Variants in VPS13A observed in about 807,000 individuals in gnomAD.
The protein encoded by VPS13A is vacuolar protein sorting 13 homolog A, also known as intermembrane lipid transfer protein VPS13A.
Under a neutral mutation model 390.9 loss-of-function variants are expected in VPS13A, and 264 were observed. The ratio of observed to expected loss-of-function variants is 0.68; its 90% CI spans 0.61 to 0.75. The LOEUF (loss-of-function observed/expected upper bound fraction) is 0.75, where lower values mean the gene tolerates loss of function less well. VPS13A is among the 30% of genes least tolerant of loss of function. VPS13A has a pLI of 0.00. For missense variants in VPS13A, 3,409 were observed against 3,733.9 expected, an observed-to-expected ratio of 0.91 and a Z score of 2.27; for synonymous variants, 1,231 against 1,227.1, an observed-to-expected ratio of 1.00 and a Z score of -0.07.
intron 17 of VPS13A, among the ~76,000 whole-genome samples, chr9:77,232,800 C>A (rs1823912356): frequency 6.6e-6 from 1 of 152,122 alleles, no homozygotes; most frequent in Admixed American, 6.6e-5. Context: ...CAGTTACCTC[C>A]CATCAGGTCT....
chr9:77,380,351 C>G (rs906522730), intron 67 of VPS13A, among the ~76,000 whole-genome samples: 1 of 151,944 alleles, frequency 6.6e-6, no homozygotes, highest in East Asian at 1.9e-4. Context: ...CTCGCTGTGT[C>G]GCCCAGGCTG....
At chr9:77,220,127 A>G in intron 11 of VPS13A, 46 bp downstream of exon 11, 1 of 1,571,174 alleles carries the variant, frequency 6.4e-7, no homozygotes, top group South Asian at 1.1e-5. Flanking sequence ...ATTGTTTGAT[A>G]AAAGCAAAAC....
chr9:77,379,278 T>C (rs1450172588), intron 67 of VPS13A, among the ~76,000 whole-genome samples: 1 of 150,976 alleles, frequency 6.6e-6, no homozygotes, highest in Non-Finnish European at 1.5e-5. Flanking sequence ...TTCACTCTTG[T>C]TGCCCAGGCT....
intron 4 of VPS13A, among the ~76,000 whole-genome samples, chr9:77,205,694 C>T (rs560695770): frequency 3.3e-5 from 5 of 152,040 alleles, no homozygotes; most frequent in East Asian, 1.9e-4. Context: ...TGGGTTCAAG[C>T]GATTCTCCTG....
In VPS13A at chr9:77,318,468, T is replaced by C. The variant is rs1346896172; in HGVS notation, c.5190T>C (p.Phe1730=). 2.5e-6 allele frequency: 4 copies of C among 1,613,984 alleles called. No individual in the cohort carries two copies. Among genetic ancestry groups the C allele is most frequent in the Non-Finnish European group, 3.4e-6 (4 of 1,179,918 alleles). The change falls in exon 41 of 72, where the codon TTT becomes TTC. Residue 1730 remains phenylalanine, a synonymous_variant. Coordinates refer to ENST00000360280, the MANE Select transcript of VPS13A (RefSeq NM_033305.3). ...TAAAAATGAACATTGATTCTATTTT[T>C]ATAGTTCTTGAGGCTGGAATTGGTC... ...EMIKMNIDSI[F]IVLEAGIGHR...
intron 22 of VPS13A, among the ~76,000 whole-genome samples, chr9:77,256,684 T>A (rs191071382): frequency 2.0e-5 from 3 of 152,206 alleles, no homozygotes; most frequent in Non-Finnish European, 4.4e-5. Context: ...TTGGCACATA[T>A]ATGTTTATAA....
At chr9:77,270,728 T>A (rs1428613498) in intron 23 of VPS13A, among the ~76,000 whole-genome samples, 18 of 152,116 alleles carry the variant, frequency 1.2e-4, no homozygotes, top group Non-Finnish European at 1.5e-5. Flanking sequence ...GTGGTTAATA[T>A]GTGTTTGATT....
chr9:77,248,035 A>G (rs1378968973), intron 20 of VPS13A, among the ~76,000 whole-genome samples: 1 of 152,134 alleles, frequency 6.6e-6, no homozygotes, highest in Non-Finnish European at 1.5e-5. Context: ...TAGACCTATT[A>G]CTTGATTACT....
In VPS13A at chr9:77,178,005, G is replaced by A. The variant is rs1306616326; in HGVS notation, c.100+201G>A. ...CGCCCTCGAGTTGTTTATATTTTGG[G>A]GGAAAGGAGAGGGTCATGAGTGCGG... is the stretch of plus-strand genomic sequence containing the variant. On this transcript the variant is annotated intron_variant, in intron 1 of 71. Coordinates refer to ENST00000360280, the MANE Select transcript of VPS13A (RefSeq NM_033305.3). 2.5e-5 allele frequency: 14 copies of A among 562,550 alleles called. No homozygotes were observed. In the East Asian group the frequency reaches 3.7e-4, roughly 15 times the overall value. 34.8% of individuals were successfully genotyped at this position (562,550 alleles called of 1,614,324 possible).
chr9:77,245,016 A>G (rs1311337864), intron 19 of VPS13A, among the ~76,000 whole-genome samples: 1 of 152,216 alleles, frequency 6.6e-6, no homozygotes, highest in Non-Finnish European at 1.5e-5. Flanking sequence ...ATTGGTTCTA[A>G]TGTAATGAGT....
At chr9:77,254,688 G>A (rs750897337) in intron 22 of VPS13A, among the ~76,000 whole-genome samples, 1 of 152,076 alleles carries the variant, frequency 6.6e-6, no homozygotes, top group African/African-American at 2.4e-5. Context: ...ATTTATTTGT[G>A]TCTTTGATTT....
At chr9:77,288,406 G>C (rs1008230955) in intron 31 of VPS13A, among the ~76,000 whole-genome samples, 10 of 152,098 alleles carry the variant, frequency 6.6e-5, no homozygotes, top group African/African-American at 2.4e-4. Context: ...AGCATTTGCT[G>C]CTATAAATTT....
rs555272276 is a variant in VPS13A, at chr9:77,347,099, A to G, written c.7289+1957A>G. Among the ~76,000 whole-genome samples the G allele has an allele frequency of 7.2e-5, 11 of 152,296 alleles. No individual in the cohort carries two copies. In the South Asian group the frequency reaches 2.3e-3, roughly 32 times the overall value. ...TTGGTGACTATAGGCATTGTAGTAT[A>G]CTTTGAAGTAGGATAACGTGATGCC... On this transcript the variant is annotated intron_variant, in intron 52 of 71. Transcript: ENST00000360280.
chr9:77,278,891 G>T (rs1419163478), intron 26 of VPS13A, among the ~76,000 whole-genome samples: 1 of 152,112 alleles, frequency 6.6e-6, no homozygotes, highest in African/African-American at 2.4e-5. Context: ...TATTCCCCTC[G>T]CAGGACATGC....
chr9:77,316,641 G>A (rs1156789542), intron 39 of VPS13A, among the ~76,000 whole-genome samples: 1 of 152,022 alleles, frequency 6.6e-6, no homozygotes, highest in African/African-American at 2.4e-5. Flanking sequence ...AAGAAGTTGG[G>A]TTCATCTTGA....
chr9:77,265,425 G>A (rs561924910), intron 23 of VPS13A, among the ~76,000 whole-genome samples: 3 of 152,034 alleles, frequency 2.0e-5, no homozygotes, highest in Non-Finnish European at 4.4e-5. Flanking sequence ...CTATCTGGTC[G>A]TGGGCTTTTT....
chr9:77,329,514 G>A (rs1272288497), intron 45 of VPS13A, among the ~76,000 whole-genome samples: 4 of 152,170 alleles, frequency 2.6e-5, no homozygotes, highest in East Asian at 1.9e-4. Context: ...AGGGAGGTCC[G>A]AAGAAGAGGG....
intron 1 of VPS13A, among the ~76,000 whole-genome samples, chr9:77,179,157 C>G (rs1823846093): frequency 6.6e-6 from 1 of 152,186 alleles, no homozygotes; most frequent in African/African-American, 2.4e-5. Flanking sequence ...GAACTTTGAT[C>G]TGTAGTGGAG....
chr9:77,228,561 T>C (rs1285605442), intron 17 of VPS13A, among the ~76,000 whole-genome samples: 1 of 152,200 alleles, frequency 6.6e-6, no homozygotes, highest in Non-Finnish European at 1.5e-5. Context: ...GTTTTATTTT[T>C]TTTAAAGTAG....
Sources: gnomAD v4.1 joint callset for allele counts (sites outside exome capture counted in the v4.1 genomes callset) on GRCh38, gnomAD v4.1.1 for gene constraint, MANE v1.5 for transcripts, NCBI Gene and HGNC (gene_info 2026-07-23, HGNC 2026-07-21) for gene names.